The following BNC2 variants were observed in gnomAD, a reference collection of about 807,000 sequenced individuals.
BNC2 encodes the protein zinc finger protein basonuclin-2.
A neutral mutation model predicts 76.3 loss-of-function variants in BNC2; 20 were observed. The observed-to-expected ratio is 0.26, with a 90% CI of 0.18 to 0.38. The LOEUF is 0.38. BNC2 is among the 10% of genes least tolerant of loss of function. The probability of loss-of-function intolerance (pLI) is 1.00; values close to 1 mark genes in which losing one functional copy is unlikely to be tolerated. For synonymous variants in BNC2, 582 were observed against 514.8 expected, an observed-to-expected ratio of 1.13 and a Z score of -1.77; for missense variants, 1,382 against 1,399.8, an observed-to-expected ratio of 0.99 and a Z score of 0.20.
intron 1 of BNC2, among the ~76,000 whole-genome samples, chr9:16,841,991 T>C (rs1414626169): frequency 6.6e-6 from 1 of 152,162 alleles, no homozygotes; most frequent in Admixed American, 6.5e-5. Flanking sequence ...CTATTTTTAG[T>C]AGAGACAGGG....
At chr9:16,424,518 C>T (rs910685836) in intron 6 of BNC2, among the ~76,000 whole-genome samples, 5 of 152,172 alleles carry the variant, frequency 3.3e-5, no homozygotes, top group Non-Finnish European at 5.9e-5. Flanking sequence ...CCGTTCAACA[C>T]ACACATTCAC....
intron 3 of BNC2, among the ~76,000 whole-genome samples, chr9:16,660,002 C>G (rs1454717022): frequency 6.6e-6 from 1 of 152,188 alleles, no homozygotes; most frequent in Non-Finnish European, 1.5e-5. Flanking sequence ...TGTATTCAGC[C>G]AAATTATTCC....
intron 1 of BNC2, among the ~76,000 whole-genome samples, chr9:16,745,999 C>A (rs1227199831): frequency 6.6e-6 from 1 of 152,182 alleles, no homozygotes; most frequent in Non-Finnish European, 1.5e-5. Context: ...TGCAGCCTTA[C>A]ACACACAGAA....
chr9:16,753,299 T>C lies in BNC2; in HGVS notation c.4-14814A>G, dbSNP rs537205972. Among the ~76,000 whole-genome samples the C allele has an allele frequency of 5.3e-5, 8 of 152,326 alleles. No individual in the cohort carries two copies. The East Asian group carries it at 1.5e-3, about 29-fold the overall frequency. On this transcript the variant is annotated intron_variant, in intron 1 of 6. Coordinates refer to ENST00000380672, the MANE Select transcript of BNC2 (RefSeq NM_017637.6). ...TTTGATTTACAAATTCCAGTGAAAATGTGCCACAGCTGGCAGAATAAATTA... is the reference window on the plus strand; with the variant it reads ...TTTGATTTACAAATTCCAGTGAAAACGTGCCACAGCTGGCAGAATAAATTA...
chr9:16,457,245 G>C (rs1351239726), intron 5 of BNC2, among the ~76,000 whole-genome samples: 1 of 152,088 alleles, frequency 6.6e-6, no homozygotes, highest in Non-Finnish European at 1.5e-5. Flanking sequence ...AAATTTTCAG[G>C]CACACCTTCT....
At chr9:16,790,075 C>CT (rs1817462855) in intron 1 of BNC2, among the ~76,000 whole-genome samples, 1 of 152,202 alleles carries the variant, frequency 6.6e-6, no homozygotes, top group Admixed American at 6.5e-5. Context: ...TCTCGGCTCA[C>CT]TGCAAGCTCC....
chr9:16,498,246 T>C (rs1417469169), intron 5 of BNC2, among the ~76,000 whole-genome samples: 1 of 137,884 alleles, frequency 7.3e-6, no homozygotes, highest in Non-Finnish European at 1.6e-5. Context: ...CCATCATATA[T>C]ATATATATTC....
At chr9:16,590,628 G>A (rs543300204) in intron 3 of BNC2, among the ~76,000 whole-genome samples, 9 of 152,172 alleles carry the variant, frequency 5.9e-5, no homozygotes, top group East Asian at 3.9e-4. Flanking sequence ...ACAACATGGC[G>A]AAACCTCGTC....
In BNC2 at chr9:16,437,068, A is replaced by T; in HGVS notation, c.1126T>A (p.Tyr376Asn). Reference sequence around the variant, plus strand: ...CTATTGGGTGTTTGATCATTCTTATAAGGTGTGGGAGAAACTTCGGATTCG... The same window carrying T: ...CTATTGGGTGTTTGATCATTCTTATTAGGTGTGGGAGAAACTTCGGATTCG... ...SSESEVSPTP[Y>N]KNDQTPNRNA... Residue 376 changes from tyrosine (Y) to asparagine (N), a missense_variant, in exon 6 of 7, where the codon TAT becomes AAT. Physicochemically the swap from Tyr to Asn is moderately radical, Grantham distance 143. Around this residue, in one of 3 missense-constraint regions of BNC2, gnomAD observed 557 missense variants for 540.9 expected, o/e 1.03. Coordinates refer to ENST00000380672, the MANE Select transcript of BNC2 (RefSeq NM_017637.6). The T allele has an allele frequency of 6.2e-7, 1 of 1,614,062 alleles. No homozygotes were observed. Among genetic ancestry groups the T allele is most frequent in the Non-Finnish European group, 8.5e-7 (1 of 1,180,000 alleles).
chr9:16,464,973 C>G (rs759301624), intron 5 of BNC2, among the ~76,000 whole-genome samples: 1 of 152,118 alleles, frequency 6.6e-6, no homozygotes, highest in Non-Finnish European at 1.5e-5. Flanking sequence ...ACTTAGCCCT[C>G]AGGATGATTC....
chr9:16,549,190 C>T (rs1818582129), intron 5 of BNC2, among the ~76,000 whole-genome samples: 1 of 152,158 alleles, frequency 6.6e-6, no homozygotes, highest in South Asian at 2.1e-4. Flanking sequence ...TCTCAGAAGG[C>T]AGGAGTAGCT....
chr9:16,789,368 T>C (rs1327140150), intron 1 of BNC2, among the ~76,000 whole-genome samples: 1 of 152,002 alleles, frequency 6.6e-6, no homozygotes, highest in Non-Finnish European at 1.5e-5. Flanking sequence ...GTGTATAAAT[T>C]ATACCTTAAT....
chr9:16,668,794 T>C (rs1027082253), intron 3 of BNC2, among the ~76,000 whole-genome samples: 1 of 152,164 alleles, frequency 6.6e-6, no homozygotes, highest in Admixed American at 6.5e-5. Context: ...AACTGCCCAG[T>C]GAATATCAAT....
intron 1 of BNC2, among the ~76,000 whole-genome samples, chr9:16,837,414 G>C (rs1281435090): frequency 6.6e-6 from 1 of 152,168 alleles, no homozygotes; most frequent in Non-Finnish European, 1.5e-5. Flanking sequence ...TGAGGCAGGA[G>C]AATCACTTGA....
At chr9:16,461,563 G>C (rs923505024) in intron 5 of BNC2, among the ~76,000 whole-genome samples, 4 of 150,698 alleles carry the variant, frequency 2.7e-5, no homozygotes, top group African/African-American at 9.8e-5. Context: ...TTTCAATCCA[G>C]CGCCTGCATT....
At chr9:16,526,165 T>G (rs964113495) in intron 5 of BNC2, among the ~76,000 whole-genome samples, 1 of 152,124 alleles carries the variant, frequency 6.6e-6, no homozygotes, top group Non-Finnish European at 1.5e-5. Context: ...CAGATCACTG[T>G]TGTATTTAAT....
rs145026994 is a variant in BNC2 at position 16,667,442 on chromosome 9, T to C, written c.330+60355A>G. Among the ~76,000 whole-genome samples, 80 of 152,320 alleles carry C rather than the reference T, an allele frequency of 5.3e-4. No individual in the cohort carries two copies. In the East Asian group the frequency reaches 0.015, roughly 28 times the overall value. ...ACAAGATAATCAACATTGTAGTTAA[T>C]TGAAAATTAACAGTGGGACTCTCCA... On this transcript the variant is annotated intron_variant, in intron 3 of 6. Coordinates refer to ENST00000380672, the MANE Select transcript of BNC2 (RefSeq NM_017637.6).
At chr9:16,806,080 A>C (rs1817901796) in intron 1 of BNC2, among the ~76,000 whole-genome samples, 1 of 152,240 alleles carries the variant, frequency 6.6e-6, no homozygotes, top group Non-Finnish European at 1.5e-5. Flanking sequence ...AAAATGATTT[A>C]AAAGGGGAGA....
intron 3 of BNC2, among the ~76,000 whole-genome samples, chr9:16,665,428 GGAAAGAAAAGAAA>G: frequency 1.0e-5 from 1 of 95,300 alleles, no homozygotes; most frequent in Admixed American, 1.1e-4. Flanking sequence ...AGGAAAGAAA[GGAAAGAAAAGAAA>G]GAAAGAAAGA....
Sources: gnomAD v4.1 joint callset for allele counts (sites outside exome capture counted in the v4.1 genomes callset) on GRCh38, gnomAD v4.1.1 for gene constraint, gnomAD v4.1.1 regional missense constraint, MANE v1.5 for transcripts, NCBI Gene and HGNC (gene_info 2026-07-23, HGNC 2026-07-21) for gene names.